Variants in RAD50 observed in about 807,000 individuals in gnomAD.
RAD50 encodes the protein DNA repair protein RAD50.
A neutral mutation model predicts 168.8 loss-of-function variants in RAD50; 132 were observed. The observed-to-expected ratio is 0.78, with a 90% CI of 0.68 to 0.90. The LOEUF is 0.90. RAD50 is among the 40% of genes least tolerant of loss of function. RAD50 has a pLI of 0.00. For synonymous variants in RAD50, 525 were observed against 497.4 expected (o/e 1.06, Z -0.74); for missense variants, 1,347 against 1,534.4 (o/e 0.88, Z 2.04).
At chr5:132,609,533 GCA>G in intron 19 of RAD50, 137 bp downstream of exon 19, 1 of 1,407,374 alleles carries the variant, frequency 7.1e-7, no homozygotes, top group Non-Finnish European at 9.5e-7. Flanking sequence ...TGTAATCCCT[GCA>G]CTTTGGAAGG....
chr5:132,619,910 C>CT (rs1268430961), intron 21 of RAD50, among the ~76,000 whole-genome samples: 1,423 of 117,730 alleles, frequency 0.012, 23 homozygotes, highest in African/African-American at 0.038. Flanking sequence ...AGAGATATAT[C>CT]TTTTTTTTTT....
At position 132,608,727 on chromosome 5, in the gene RAD50, T is replaced by G; in HGVS notation, c.2829+2T>G. ...AGCAACAAAATAGCACAGGATAAAG[T>G]AAGATTTCATTTATATATTTACTTA... On this transcript the variant is annotated splice_donor_variant, in intron 17 of 24. Coordinates refer to ENST00000378823, the MANE Select transcript of RAD50 (RefSeq NM_005732.4). LOFTEE classifies it high-confidence loss of function. The G allele has an allele frequency of 6.4e-7, 1 of 1,573,814 alleles. No individual in the cohort carries two copies. The highest frequency in any genetic ancestry group is 8.6e-7 in the Non-Finnish European group (1 of 1,159,838).
chr5:132,631,770 A>G (rs61643783), intron 21 of RAD50, among the ~76,000 whole-genome samples: 2,157 of 152,158 alleles, frequency 0.014, 68 homozygotes, highest in African/African-American at 0.05. Context: ...CAGTGCTATG[A>G]TCACAGCTCA....
chr5:132,583,972 C>T (rs1282944836), intron 5 of RAD50, among the ~76,000 whole-genome samples: 4 of 152,146 alleles, frequency 2.6e-5, no homozygotes, highest in African/African-American at 9.7e-5. Flanking sequence ...GCTGGGATTA[C>T]AGGTGTGAGC....
intron 20 of RAD50, among the ~76,000 whole-genome samples, chr5:132,617,794 A>G (rs1355129426): frequency 6.6e-6 from 1 of 152,214 alleles, no homozygotes; most frequent in Non-Finnish European, 1.5e-5. Context: ...TAGCGTCTAA[A>G]GGCCAGGAAC....
rs371865150 is a variant in RAD50, at chr5:132,631,541, G to T, written c.3390-5574G>T. ...GGTGGAGCTGATACACTAGCCAGAT[G>T]GCTACTTGACCATAACAGTTTGCAG... On this transcript the variant is annotated intron_variant, in intron 21 of 24. Coordinates refer to ENST00000378823, the MANE Select transcript of RAD50 (RefSeq NM_005732.4). 4.6e-5 allele frequency among the ~76,000 whole-genome samples: 7 copies of T among 152,162 alleles called. No homozygotes were observed. The East Asian group carries it at 5.8e-4, about 13-fold the overall frequency.
chr5:132,616,021 C>T lies in RAD50; in HGVS notation c.3055C>T (p.Gln1019Ter), dbSNP rs1233081327. 3 of 1,588,564 alleles carry T rather than the reference C, an allele frequency of 1.9e-6. No individual in the cohort carries two copies. The highest frequency in any genetic ancestry group is 2.6e-6 in the Non-Finnish European group (3 of 1,157,300). ...CCTTTAGATACAAGAAAGGTGGCTACAAGATAACCTTACTTTAAGAAAAAG... is the reference window on the plus strand; with the variant it reads ...CCTTTAGATACAAGAAAGGTGGCTATAAGATAACCTTACTTTAAGAAAAAG... ...DTQKIQERWL[Q>*]DNLTLRKRNE... The change falls in exon 20 of 25, where the codon CAA becomes TAA. Residue 1019 changes from glutamine (Q) to a stop codon, truncating the protein, a stop_gained. Transcript: ENST00000378823. LOFTEE classifies it high-confidence loss of function.
At chr5:132,568,564 A>C (rs1158083283) in intron 2 of RAD50, among the ~76,000 whole-genome samples, 1 of 152,218 alleles carries the variant, frequency 6.6e-6, no homozygotes, top group Non-Finnish European at 1.5e-5. Flanking sequence ...TTCAAAACTA[A>C]ATATAAAATC....
intron 2 of RAD50, among the ~76,000 whole-genome samples, chr5:132,562,446 A>T (rs1466676278): frequency 6.6e-6 from 1 of 152,230 alleles, no homozygotes; most frequent in African/African-American, 2.4e-5. Context: ...TTTTGAAGAT[A>T]GAACCAACAA....
Position 132,609,276 on chromosome 5 carries a change from T to C in RAD50, c.2923-7T>C, listed in dbSNP as rs1329253830. ...TTCATGTGCTTAAAGAATTTTCTTT[T>C]TTGTAGCAAAAAGAAACTGAACTTA... is the stretch of plus-strand genomic sequence containing the variant. On this transcript the variant is annotated splice_region_variant and splice_polypyrimidine_tract_variant and intron_variant, in intron 18 of 24. Transcript: ENST00000378823. The C allele has an allele frequency of 4.3e-6, 7 of 1,610,398 alleles. No individual in the cohort carries two copies. The highest frequency in any genetic ancestry group is 3.4e-5 in the Admixed American group (2 of 59,532).
In RAD50 at chr5:132,643,734, G is replaced by GGGGGGGGGGGCC; in HGVS notation, c.*1370_*1371insGGGGGGGGGGCC. The GGGGGGGGGGGCC allele has an allele frequency of 5.6e-6, 1 of 177,114 alleles. No homozygotes were observed. Among genetic ancestry groups the GGGGGGGGGGGCC allele is most frequent in the Non-Finnish European group, 1.2e-5 (1 of 84,832 alleles). The allele number at this position is 177,114 out of a possible 1,614,324, so 11.0% of individuals were successfully genotyped here. Reference sequence around the variant, plus strand: ...GGGGGTGGTGGTGGGGTGGGGGGGGGTCCTAAATGTAATCACGAGTAAGAT... The same window carrying GGGGGGGGGGGCC: ...GGGGGTGGTGGTGGGGTGGGGGGGGGGGGGGGGGGGCCTCCTAAATGTAATCACGAGTAAGAT... On this transcript the variant is annotated 3_prime_UTR_variant, in exon 25 of 25. Coordinates refer to ENST00000378823, the MANE Select transcript of RAD50 (RefSeq NM_005732.4).
chr5:132,572,093 G>A (rs1392770248), intron 2 of RAD50, among the ~76,000 whole-genome samples: 4 of 152,080 alleles, frequency 2.6e-5, no homozygotes, highest in African/African-American at 9.7e-5. Context: ...AAAACAATCA[G>A]TATAATTTGC....
intron 13 of RAD50, among the ~76,000 whole-genome samples, chr5:132,601,028 AAG>A (rs750671443): frequency 5.3e-5 from 8 of 152,090 alleles, no homozygotes; most frequent in Non-Finnish European, 1.2e-4. Context: ...ATTTAAAAAA[AAG>A]AAAAACAAAC....
At chr5:132,580,325 C>T (rs1750484100) in intron 5 of RAD50, among the ~76,000 whole-genome samples, 1 of 152,116 alleles carries the variant, frequency 6.6e-6, no homozygotes, top group Non-Finnish European at 1.5e-5. Flanking sequence ...TAGTAGCATT[C>T]TCCCCTTATT....
At chr5:132,599,139 T>G (rs1750843208) in intron 13 of RAD50, among the ~76,000 whole-genome samples, 1 of 152,142 alleles carries the variant, frequency 6.6e-6, no homozygotes, top group Non-Finnish European at 1.5e-5. Context: ...CAAAACTGTC[T>G]CGCAGTGATT....
intron 21 of RAD50, among the ~76,000 whole-genome samples, chr5:132,632,851 A>C (rs1232462958): frequency 6.6e-6 from 1 of 152,230 alleles, no homozygotes; most frequent in Non-Finnish European, 1.5e-5. Flanking sequence ...GGCTGCACAA[A>C]AAAAGCTTGC....
chr5:132,591,396 C>T lies in RAD50; in HGVS notation c.1625C>T (p.Thr542Ile). 1 of 1,613,342 alleles carries T rather than the reference C, an allele frequency of 6.2e-7. No homozygotes were observed. The highest frequency in any genetic ancestry group is 8.5e-7 in the Non-Finnish European group (1 of 1,179,530). Reference protein sequence around the residue: ...TTTRTQMEMLTKDKADKDEQI... With the variant: ...TTTRTQMEMLIKDKADKDEQI... ...ACACGTACCCAAATGGAGATGCTGACCAAAGACAAAGTATGATTTTTCTTT... is the reference window on the plus strand; with the variant it reads ...ACACGTACCCAAATGGAGATGCTGATCAAAGACAAAGTATGATTTTTCTTT... The change falls in exon 10 of 25, where the codon ACC becomes ATC. Residue 542 changes from threonine (T) to isoleucine (I), a missense_variant. By Grantham distance (89) the Thr-to-Ile change is moderately conservative (BLOSUM62 -1). This residue lies in a region of RAD50 where 703 missense variants were observed against 767.7 expected (regional missense o/e 0.92). Coordinates refer to ENST00000378823, the MANE Select transcript of RAD50 (RefSeq NM_005732.4).
intron 19 of RAD50, among the ~76,000 whole-genome samples, chr5:132,614,499 T>TC (rs574782006): frequency 2.0e-5 from 3 of 151,472 alleles, no homozygotes; most frequent in Non-Finnish European, 4.4e-5. Flanking sequence ...GGTTCCAGGA[T>TC]CCCCCGATAA....
chr5:132,590,652 T>C (rs1242328505), intron 9 of RAD50, among the ~76,000 whole-genome samples: 4 of 152,230 alleles, frequency 2.6e-5, no homozygotes, highest in South Asian at 2.1e-4. Flanking sequence ...CTGTCCTCCT[T>C]CTTCACATCT....
Sources: gnomAD v4.1 joint callset for allele counts (sites outside exome capture counted in the v4.1 genomes callset) on GRCh38, gnomAD v4.1.1 for gene constraint, gnomAD v4.1.1 regional missense constraint, MANE v1.5 for transcripts, NCBI Gene and HGNC (gene_info 2026-07-23, HGNC 2026-07-21) for gene names.